The following PCDHA6 variants were observed in gnomAD, a reference collection of about 807,000 sequenced individuals.
PCDHA6 encodes the protein protocadherin alpha 6, also known as protocadherin alpha-6.
PCDHA6 carries 55 observed loss-of-function variants against 60.3 expected under a neutral mutation model. The observed-to-expected ratio is 0.91, with a 90% confidence interval of 0.73 to 1.14. The LOEUF is 1.14. Ranked by LOEUF, PCDHA6 falls within the 50% of genes most tolerant of loss-of-function variation. The pLI, the probability that PCDHA6 is intolerant of heterozygous loss-of-function variation, is 0.00. For synonymous variants in PCDHA6, 652 were observed against 557.9 expected, an observed-to-expected ratio of 1.17 and a Z score of -2.38; for missense variants, 1,327 against 1,256.5, an observed-to-expected ratio of 1.06 and a Z score of -0.85.
In PCDHA6 at chr5:140,923,554, G is replaced by T. The variant is rs117642898; in HGVS notation, c.2395-55395G>T. Among the ~76,000 whole-genome samples the T allele has an allele frequency of 6.2e-4, 95 of 152,226 alleles. No individual in the cohort carries two copies. The East Asian group carries it at 0.017, about 28-fold the overall frequency. On this transcript the variant is annotated intron_variant, in intron 1 of 3. Coordinates refer to ENST00000529310, the MANE Select transcript of PCDHA6 (RefSeq NM_018909.4). ...AAAAAAAGGACAAAATGAAATATCA[G>T]CAATGAAAGGTCCTGCTAAAGAGAA...
intron 1 of PCDHA6, chr5:140,862,381 C>G (rs191367875): frequency 4.0e-5 from 14 of 346,954 alleles, no homozygotes; most frequent in Non-Finnish European, 7.4e-5. Flanking sequence ...TGACTCCTCA[C>G]GTCTCTTCAA....
At chr5:140,926,391 A>G (rs76822698) in intron 1 of PCDHA6, 1 of 152,346 alleles carries the variant, frequency 6.6e-6, no homozygotes, top group East Asian at 1.9e-4. Context: ...GGGCTCAGCC[A>G]CAGTTATCAG....
chr5:140,866,359 A>ATT (rs1376841789), intron 1 of PCDHA6: 14 of 152,148 alleles, frequency 9.2e-5, no homozygotes, highest in African/African-American at 2.9e-4. Context: ...TGTTTACAAT[A>ATT]TTGCATACTT....
chr5:140,830,456 C>T lies in PCDHA6; in HGVS notation c.2365C>T (p.Gln789Ter). The T allele has an allele frequency of 6.3e-7, 1 of 1,594,032 alleles. No individual in the cohort carries two copies. The highest frequency in any genetic ancestry group is 1.1e-5 in the South Asian group (1 of 88,208). Residue 789 changes from glutamine (Q) to a stop codon, truncating the protein, a stop_gained, in exon 1 of 4, where the codon CAG becomes TAG. Coordinates refer to ENST00000529310, the MANE Select transcript of PCDHA6 (RefSeq NM_018909.4). LOFTEE classifies it high-confidence loss of function. ...CPIMMGKAENQDLNEDHDAKP... is the reference protein window; with the variant it reads ...CPIMMGKAEN ...TATTATGATGGGTAAGGCGGAGAATCAGGATTTAAATGAAGATCATGATGC... is the reference window on the plus strand; with the variant it reads ...TATTATGATGGGTAAGGCGGAGAATTAGGATTTAAATGAAGATCATGATGC...
chr5:140,835,125 A>G, intron 1 of PCDHA6: 1 of 1,331,534 alleles, frequency 7.5e-7, no homozygotes, highest in South Asian at 1.4e-5. Flanking sequence ...AACCCTGTAT[A>G]CGGTGAAATT....
intron 1 of PCDHA6, among the ~76,000 whole-genome samples, chr5:140,905,634 C>T (rs1554192107): frequency 6.6e-6 from 1 of 152,168 alleles, no homozygotes; most frequent in African/African-American, 2.4e-5. Context: ...ACAGTATGGT[C>T]AGTTTCACAG....
chr5:140,833,761 C>A (rs1284549843), intron 1 of PCDHA6, among the ~76,000 whole-genome samples: 5 of 151,960 alleles, frequency 3.3e-5, no homozygotes, highest in African/African-American at 7.3e-5. Context: ...AACACACACA[C>A]ACACACCGCT....
chr5:140,925,106 G>GAA (rs1554202543), intron 1 of PCDHA6, among the ~76,000 whole-genome samples: 1 of 151,098 alleles, frequency 6.6e-6, no homozygotes, highest in African/African-American at 2.4e-5. Flanking sequence ...AGGAAGGAAG[G>GAA]AGGGAAGGAA....
At chr5:140,856,381 G>T in intron 1 of PCDHA6, 2 of 1,598,516 alleles carry the variant, frequency 1.3e-6, no homozygotes, top group South Asian at 1.1e-5. Context: ...TCGTGGACAG[G>T]CCGCTGCAGG....
At chr5:140,882,000 G>A in intron 1 of PCDHA6, 1 of 477,842 alleles carries the variant, frequency 2.1e-6, no homozygotes, top group Non-Finnish European at 3.5e-6. Flanking sequence ...GGAAATGCAA[G>A]GGGCAAAAAA....
intron 3 of PCDHA6, among the ~76,000 whole-genome samples, chr5:141,004,888 G>C (rs555046086): frequency 2.0e-5 from 3 of 152,132 alleles, no homozygotes; most frequent in Admixed American, 6.5e-5. Flanking sequence ...GTGCTATTGT[G>C]TCAGCTCTGC....
At chr5:140,869,937 A>C (rs782444890) in intron 1 of PCDHA6, 1 of 1,612,006 alleles carries the variant, frequency 6.2e-7, no homozygotes, top group Non-Finnish European at 8.5e-7. Flanking sequence ...GAGAGGTAAC[A>C]TACTCCTTAA....
intron 1 of PCDHA6, among the ~76,000 whole-genome samples, chr5:140,963,991 A>G (rs1232646749): frequency 1.3e-5 from 2 of 152,190 alleles, no homozygotes; most frequent in Admixed American, 6.5e-5. Context: ...ATTCCTAATT[A>G]CTGTGTTCTA....
chr5:140,945,947 ACCCTGAAAG>A (rs1554217229), intron 1 of PCDHA6, among the ~76,000 whole-genome samples: 1 of 152,132 alleles, frequency 6.6e-6, no homozygotes, highest in Admixed American at 6.5e-5. Flanking sequence ...TTTTTATATG[ACCCTGAAAG>A]CACAGGCAAT....
At position 140,924,901 on chromosome 5, in the gene PCDHA6, A is replaced by AAAAT. The variant is rs1554202314; in HGVS notation, c.2395-54045_2395-54044insTAAA. ...CAGAGCAAGAACCTGTCTCAAAAAA[A>AAAAT]AAAATAAAATAAAATAAAATAAAAT... On this transcript the variant is annotated intron_variant, in intron 1 of 3. Coordinates refer to ENST00000529310, the MANE Select transcript of PCDHA6 (RefSeq NM_018909.4). 7.3e-4 allele frequency among the ~76,000 whole-genome samples: 59 copies of AAAAT among 80,496 alleles called. 1 individual carries two copies. The highest frequency in any genetic ancestry group is 6.1e-3 in the Middle Eastern group (1 of 164). The allele number at this position is 80,496 out of a possible 152,430, so 52.8% of individuals were successfully genotyped here. A position where few individuals can be genotyped will look rare whatever the true frequency, so the allele number is the denominator to read the frequency against.
chr5:141,007,084 AAG>A lies in PCDHA6; in HGVS notation c.2543-2538_2543-2537del, dbSNP rs576927752. On this transcript the variant is annotated intron_variant, in intron 3 of 3. Transcript: ENST00000529310. ...AGGAGAGAGTGAAGAGAAAATAGAG[AAG>A]AGAGTCTAGGGCCAAACCCAAGGAA... Among the ~76,000 whole-genome samples, 32 of 152,274 alleles carry A rather than the reference AAG, an allele frequency of 2.1e-4. No individual in the cohort carries two copies. The East Asian group carries it at 3.3e-3, about 16-fold the overall frequency.
chr5:140,882,775 C>G, intron 1 of PCDHA6: 10 of 1,614,220 alleles, frequency 6.2e-6, no homozygotes, highest in Non-Finnish European at 8.5e-6. Flanking sequence ...CGGCATTGAC[C>G]TACCGACTGG....
chr5:140,844,531 T>C (rs1779420037), intron 1 of PCDHA6, among the ~76,000 whole-genome samples: 1 of 149,526 alleles, frequency 6.7e-6, no homozygotes, highest in African/African-American at 2.4e-5. Context: ...ACTCTAATCA[T>C]TCAACCCTTT....
chr5:140,992,976 AG>A (rs2097535791), intron 3 of PCDHA6, among the ~76,000 whole-genome samples: 3 of 152,240 alleles, frequency 2.0e-5, no homozygotes, highest in Non-Finnish European at 4.4e-5. Flanking sequence ...GACAATGATT[AG>A]GCCATGGGAC....
Sources: allele counts gnomAD v4.1 joint callset (sites outside exome capture counted in the v4.1 genomes callset), GRCh38; gene constraint gnomAD v4.1.1; transcripts MANE v1.5; gene names NCBI Gene and HGNC (gene_info 2026-07-23, HGNC 2026-07-21).